HDAC9: variants seen among roughly 807,000 people sequenced by gnomAD.
The protein encoded by HDAC9 is histone deacetylase 9.
Under a neutral mutation model 139.4 loss-of-function variants are expected in HDAC9, and 41 were observed. The ratio of observed to expected loss-of-function variants is 0.29; its 90% CI spans 0.23 to 0.38. HDAC9 has a LOEUF of 0.38. HDAC9 is among the 10% of genes least tolerant of loss of function. HDAC9 has a pLI of 1.00. For missense variants in HDAC9, 1,147 were observed against 1,297.0 expected, an observed-to-expected ratio of 0.88 and a Z score of 1.78; for synonymous variants, 517 against 476.2, an observed-to-expected ratio of 1.09 and a Z score of -1.12.
chr7:18,646,373 C>CTT (rs1787422650), intron 9 of HDAC9, among the ~76,000 whole-genome samples: 1 of 152,074 alleles, frequency 6.6e-6, no homozygotes, highest in South Asian at 2.1e-4. Flanking sequence ...GATTTGGTAC[C>CTT]ATTGGATGAA....
At chr7:18,896,979 T>G (rs913439664) in intron 22 of HDAC9, among the ~76,000 whole-genome samples, 1 of 152,024 alleles carries the variant, frequency 6.6e-6, no homozygotes, top group African/African-American at 2.4e-5. Context: ...AAATAAGGTG[T>G]TTTGAACTAC....
chr7:18,793,670 G>T (rs1792530256), intron 17 of HDAC9, among the ~76,000 whole-genome samples: 1 of 152,164 alleles, frequency 6.6e-6, no homozygotes, highest in African/African-American at 2.4e-5. Flanking sequence ...ACACTCTGCA[G>T]TCAGGGCCCA....
In HDAC9 at chr7:18,873,472, C is replaced by G. The variant is rs144382171; in HGVS notation, c.2685-1006C>G. Among the ~76,000 whole-genome samples, 648 of 152,042 alleles carry G rather than the reference C, an allele frequency of 4.3e-3. 5 individuals carry two copies. The highest frequency in any genetic ancestry group is 0.015 in the African/African-American group (606 of 41,490). ...GCAACAACTTCTTGTTTATGATATG[C>G]AATAACATTTTTTAAATATAAAATT... On this transcript the variant is annotated intron_variant, in intron 21 of 25. Coordinates refer to ENST00000686413, the MANE Select transcript of HDAC9 (RefSeq NM_178425.4).
intron 2 of HDAC9, among the ~76,000 whole-genome samples, chr7:18,566,132 G>A (rs1822259232): frequency 1.3e-5 from 2 of 152,170 alleles, no homozygotes; most frequent in African/African-American, 4.8e-5. Context: ...AACTATTGTA[G>A]AAAGTGGTGT....
In HDAC9 at chr7:18,188,855, G is replaced by T. The variant is rs949038332; in HGVS notation, c.25+26506G>T. Among the ~76,000 whole-genome samples the T allele has an allele frequency of 8.5e-5, 13 of 152,136 alleles. No individual in the cohort carries two copies. The East Asian group carries it at 2.5e-3, about 29-fold the overall frequency. On this transcript the variant is annotated intron_variant, in intron 2 of 12. Coordinates refer to the HDAC9 transcript ENST00000417496. ...AGTCAGGAAACAATAAGATGCTGGC[G>T]AGGCTTTGGAGAAATAGGAATGCTT...
chr7:18,203,279 G>A (rs1791269146), intron 2 of HDAC9, among the ~76,000 whole-genome samples: 1 of 152,124 alleles, frequency 6.6e-6, no homozygotes, highest in Non-Finnish European at 1.5e-5. Context: ...TGAAATATGA[G>A]GATTTCAGGC....
intron 2 of HDAC9, among the ~76,000 whole-genome samples, chr7:18,285,253 TACTC>T (rs1162952350): frequency 6.6e-6 from 1 of 152,156 alleles, no homozygotes; most frequent in African/African-American, 2.4e-5. Flanking sequence ...TCCCCTTTCT[TACTC>T]AGTATTGTTC....
chr7:18,805,873 A>G (rs1027934383), intron 17 of HDAC9, among the ~76,000 whole-genome samples: 2 of 152,186 alleles, frequency 1.3e-5, no homozygotes, highest in African/African-American at 2.4e-5. Flanking sequence ...TCTGTAAAGT[A>G]AGCAGGAAGG....
At chr7:18,724,117 A>G (rs922641065) in intron 12 of HDAC9, among the ~76,000 whole-genome samples, 1 of 152,174 alleles carries the variant, frequency 6.6e-6, no homozygotes, top group Non-Finnish European at 1.5e-5. Context: ...TGTCTTTCAT[A>G]TTTAAAATTA....
chr7:18,143,809 G>A (rs528651325), intron 1 of HDAC9, among the ~76,000 whole-genome samples: 1 of 147,798 alleles, frequency 6.8e-6, no homozygotes, highest in African/African-American at 2.6e-5. Context: ...AAAAAAAAGA[G>A]TGTCTCTTTT....
chr7:18,590,155 G>A (rs879357076), intron 3 of HDAC9, among the ~76,000 whole-genome samples, 181 bp from the exon 4 acceptor site: 2 of 152,148 alleles, frequency 1.3e-5, no homozygotes, highest in African/African-American at 2.4e-5. Context: ...TGTTGATGAC[G>A]TTAAGACCTT....
Position 18,668,412 on chromosome 7 carries a change from C to CT in HDAC9, c.1731+1942dup, listed in dbSNP as rs1795416993. On this transcript the variant is annotated intron_variant, in intron 12 of 25. Transcript: ENST00000686413. ...CATAAATATTCATTTTCTTCAAAGT[C>CT]TTTTTTCAATCTCATAAAAAAGGGA... is the stretch of plus-strand genomic sequence containing the variant. The CT allele has an allele frequency of 1.5e-5, 14 of 936,398 alleles. 1 individual carries two copies. In the South Asian group the frequency reaches 6.9e-4, roughly 46 times the overall value. 58.0% of individuals were successfully genotyped at this position (936,398 alleles called of 1,614,324 possible). A position where few individuals can be genotyped will look rare whatever the true frequency, so the allele number is the denominator to read the frequency against.
At chr7:18,178,946 A>C (rs1789173105) in intron 2 of HDAC9, among the ~76,000 whole-genome samples, 2 of 152,190 alleles carry the variant, frequency 1.3e-5, no homozygotes, top group Non-Finnish European at 2.9e-5. Flanking sequence ...TTAAGATTAA[A>C]TTAGGATCTT....
chr7:18,738,237 T>C (rs1266681937), intron 13 of HDAC9, among the ~76,000 whole-genome samples: 1 of 152,220 alleles, frequency 6.6e-6, no homozygotes. Flanking sequence ...TGTCTTTTAA[T>C]TGGGGCAGTT....
chr7:18,782,173 G>A (rs1387601353), intron 16 of HDAC9, among the ~76,000 whole-genome samples: 1 of 152,024 alleles, frequency 6.6e-6, no homozygotes, highest in African/African-American at 2.4e-5. Flanking sequence ...CTCAGAACTG[G>A]GTGAAGAGTT....
At chr7:18,916,877 C>G (rs1803256079) in intron 22 of HDAC9, among the ~76,000 whole-genome samples, 1 of 152,016 alleles carries the variant, frequency 6.6e-6, no homozygotes, top group Non-Finnish European at 1.5e-5. Flanking sequence ...TGGGTTCTTT[C>G]TTTTCTCTCC....
At chr7:18,757,447 C>A (rs1364327730) in intron 14 of HDAC9, among the ~76,000 whole-genome samples, 5 of 152,160 alleles carry the variant, frequency 3.3e-5, no homozygotes, top group Non-Finnish European at 7.3e-5. Context: ...GGAACTGCCA[C>A]AAAATGAGCC....
At chr7:18,944,882 A>G (rs569010670) in intron 23 of HDAC9, among the ~76,000 whole-genome samples, 41 of 152,320 alleles carry the variant, frequency 2.7e-4, no homozygotes, top group African/African-American at 8.4e-4. Flanking sequence ...TTCCATTCAC[A>G]TATAGTATTC....
At chr7:18,205,518 A>T (rs1324875215) in intron 2 of HDAC9, among the ~76,000 whole-genome samples, 1 of 152,070 alleles carries the variant, frequency 6.6e-6, no homozygotes. Flanking sequence ...TCCAGAATGG[A>T]GAGATGAACA....
Sources: allele counts gnomAD v4.1 joint callset (sites outside exome capture counted in the v4.1 genomes callset), GRCh38; gene constraint gnomAD v4.1.1; transcripts MANE v1.5; gene names NCBI Gene and HGNC (gene_info 2026-07-23, HGNC 2026-07-21).